NSUN6: variants seen among roughly 807,000 people sequenced by gnomAD.
The protein encoded by NSUN6 is NOP2/Sun RNA methyltransferase 6.
In NSUN6, 64 loss-of-function variants were observed where a neutral mutation model predicts 58.0. That is an observed-to-expected ratio of 1.10 (90% CI 0.90 to 1.36). NSUN6 has a LOEUF of 1.36. Among genes scored for constraint, NSUN6 ranks in the 40% most tolerant of loss-of-function variants. NSUN6 has a pLI of 0.00. For synonymous variants in NSUN6, 231 were observed against 193.9 expected (o/e 1.19, Z -1.59); for missense variants, 701 against 550.1 (o/e 1.27, Z -2.74).
chr10:18,625,790 C>T (rs10829037), intron 3 of NSUN6, among the ~76,000 whole-genome samples: 51,435 of 143,496 alleles, frequency 0.36, 9,575 homozygotes, highest in East Asian at 0.74. Flanking sequence ...AAGCATTACA[C>T]TGGCTAAATG....
At chr10:18,550,898 G>A (rs183863784) in intron 9 of NSUN6, among the ~76,000 whole-genome samples, 1 of 151,952 alleles carries the variant, frequency 6.6e-6, no homozygotes, top group Non-Finnish European at 1.5e-5. Context: ...CTAATTTTTT[G>A]TATTTTTAGT....
At chr10:18,621,602 A>C (rs556605969) in intron 3 of NSUN6, among the ~76,000 whole-genome samples, 84 of 152,336 alleles carry the variant, frequency 5.5e-4, no homozygotes, top group African/African-American at 2.0e-3. Context: ...TTTTTATTGA[A>C]ATGTTTCCAA....
At chr10:18,632,732 C>G (rs2059078107) in intron 3 of NSUN6, among the ~76,000 whole-genome samples, 1 of 152,128 alleles carries the variant, frequency 6.6e-6, no homozygotes. Flanking sequence ...GTTAGAATGG[C>G]AATCATTAAA....
chr10:18,558,410 G>A lies in NSUN6; in HGVS notation c.923-6439C>T, dbSNP rs191195508. Among the ~76,000 whole-genome samples, 812 of 150,900 alleles carry A rather than the reference G, an allele frequency of 5.4e-3. 2 individuals are homozygous for A. The highest frequency in any genetic ancestry group is 8.5e-3 in the Non-Finnish European group (575 of 67,462). On this transcript the variant is annotated intron_variant, in intron 8 of 10. Transcript: ENST00000377304. The stretch of plus-strand genomic sequence containing the variant: ...AATGCAGTGGTGAATAGAATGAAAT[G>A]GAGAATGGAATGTAATGGAATGGAG...
rs776931013 is a variant in NSUN6, at chr10:18,545,988, T to A, written c.1355A>T (p.Asn452Ile). The A allele has an allele frequency of 6.3e-7, 1 of 1,584,082 alleles. No homozygotes were observed. Among genetic ancestry groups the A allele is most frequent in the East Asian group, 2.2e-5 (1 of 44,654 alleles). Residue 452 changes from asparagine to isoleucine, a missense_variant, in exon 11 of 11, where the codon AAT becomes ATT. Transcript: ENST00000377304. ...AATAAAAAAACCTATAGAGTCCTTA[T>A]TAGCCAGACGCAACATGTCTTCTCT... ...ARREDMLRLANKDSIGFFIAK... is the reference protein window; with the variant it reads ...ARREDMLRLAIKDSIGFFIAK...
intron 8 of NSUN6, among the ~76,000 whole-genome samples, 183 bp from the exon 9 acceptor site, chr10:18,552,154 A>G (rs1395818178): frequency 1.8e-5 from 2 of 113,962 alleles, no homozygotes. Context: ...GATGTGGTAG[A>G]AAGGTTTAAA....
intron 3 of NSUN6, among the ~76,000 whole-genome samples, chr10:18,637,320 G>C (rs2059251050): frequency 6.6e-6 from 1 of 152,110 alleles, no homozygotes. Flanking sequence ...ATTTTTTCAA[G>C]CTTCCCTGCA....
intron 3 of NSUN6, among the ~76,000 whole-genome samples, chr10:18,620,320 T>A (rs1437390252): frequency 6.6e-6 from 1 of 152,028 alleles, no homozygotes; most frequent in African/African-American, 2.4e-5. Context: ...ATCTCCTGAC[T>A]TCGTGATCCG....
At chr10:18,623,256 C>T (rs1249445552) in intron 3 of NSUN6, among the ~76,000 whole-genome samples, 3 of 151,928 alleles carry the variant, frequency 2.0e-5, no homozygotes, top group Non-Finnish European at 4.4e-5. Context: ...TTAACTGATG[C>T]ATTTATAATG....
At chr10:18,624,095 T>C (rs574033450) in intron 3 of NSUN6, among the ~76,000 whole-genome samples, 1 of 151,242 alleles carries the variant, frequency 6.6e-6, no homozygotes, top group Non-Finnish European at 1.5e-5. Flanking sequence ...AAAGGAAAAA[T>C]AATTCAAGTA....
At chr10:18,600,604 A>G (rs1237870036) in intron 6 of NSUN6, among the ~76,000 whole-genome samples, 1 of 151,854 alleles carries the variant, frequency 6.6e-6, no homozygotes, top group East Asian at 1.9e-4. Context: ...AGCCTGGGAG[A>G]CAAAGCCTCA....
chr10:18,649,510 C>A (rs997916653), intron 1 of NSUN6, among the ~76,000 whole-genome samples: 1 of 151,956 alleles, frequency 6.6e-6, no homozygotes, highest in Non-Finnish European at 1.5e-5. Context: ...TGTCTGAGGT[C>A]CCAGCTACTC....
In NSUN6 at chr10:18,648,487, A is replaced by T. The variant is rs770637611; in HGVS notation, c.231+3T>A. ...GTACAAATGACAGAAAATTTCCACA[A>T]ACCTTCTGAAGTTCATCAAGTAACA... is the stretch of plus-strand genomic sequence containing the variant. On this transcript the variant is annotated splice_donor_region_variant and intron_variant, in intron 2 of 10. Coordinates refer to ENST00000377304, the MANE Select transcript of NSUN6 (RefSeq NM_182543.5). 1.9e-6 allele frequency: 3 copies of T among 1,585,378 alleles called. No homozygotes were observed. In the Admixed American group the frequency reaches 5.3e-5, roughly 28 times the overall value.
intron 3 of NSUN6, among the ~76,000 whole-genome samples, chr10:18,622,782 T>C (rs752616217): frequency 2.8e-4 from 43 of 152,158 alleles, no homozygotes; most frequent in Admixed American, 1.2e-3. Flanking sequence ...TTCAAGAGAT[T>C]TATGCTGTTG....
chr10:18,583,048 A>G (rs1368952999), intron 8 of NSUN6, among the ~76,000 whole-genome samples: 1 of 152,170 alleles, frequency 6.6e-6, no homozygotes, highest in Non-Finnish European at 1.5e-5. Flanking sequence ...GGAGCAGTCA[A>G]AGAAAAACCA....
chr10:18,618,911 C>T (rs2058506772), intron 3 of NSUN6, among the ~76,000 whole-genome samples: 2 of 151,664 alleles, frequency 1.3e-5, no homozygotes, highest in Admixed American at 6.6e-5. Context: ...ACCTTTTTAT[C>T]CTTAGGGTCT....
At chr10:18,613,843 A>C (rs1195587558) in intron 5 of NSUN6, among the ~76,000 whole-genome samples, 2 of 152,200 alleles carry the variant, frequency 1.3e-5, no homozygotes, top group Non-Finnish European at 2.9e-5. Flanking sequence ...TATGTCAGCC[A>C]TGAACTTTGG....
chr10:18,622,634 C>T (rs1028011097), intron 3 of NSUN6, among the ~76,000 whole-genome samples: 1 of 152,132 alleles, frequency 6.6e-6, no homozygotes, highest in Non-Finnish European at 1.5e-5. Flanking sequence ...CGCTTGAACA[C>T]GGAGGTGGAA....
At chr10:18,566,782 A>G (rs1353492955) in intron 8 of NSUN6, among the ~76,000 whole-genome samples, 1 of 146,758 alleles carries the variant, frequency 6.8e-6, no homozygotes, top group Non-Finnish European at 1.5e-5. Flanking sequence ...ATTCCATTCC[A>G]TTACCCATTC....
Sources: gnomAD v4.1 joint callset for allele counts (sites outside exome capture counted in the v4.1 genomes callset) on GRCh38, gnomAD v4.1.1 for gene constraint, MANE v1.5 for transcripts, NCBI Gene and HGNC (gene_info 2026-07-23, HGNC 2026-07-21) for gene names.